Variants in ADAMTS20 observed in about 807,000 individuals in gnomAD.
The protein encoded by ADAMTS20 is A disintegrin and metalloproteinase with thrombospondin motifs 20.
Under a neutral mutation model 260.1 loss-of-function variants are expected in ADAMTS20, and 225 were observed. That is an observed-to-expected ratio of 0.87 (90% CI 0.78 to 0.97). The LOEUF (loss-of-function observed/expected upper bound fraction) is 0.97. Ranked by LOEUF, ADAMTS20 falls within the 50% of genes least tolerant of loss-of-function variation. The pLI, the probability that ADAMTS20 is intolerant of heterozygous loss-of-function variation, is 0.00. For synonymous variants in ADAMTS20, 802 were observed against 769.5 expected (o/e 1.04, Z -0.70); for missense variants, 2,400 against 2,337.7 (o/e 1.03, Z -0.55).
chr12:43,445,745 G>C (rs140747068), intron 15 of ADAMTS20, among the ~76,000 whole-genome samples: 1 of 151,956 alleles, frequency 6.6e-6, no homozygotes, highest in East Asian at 1.9e-4. Context: ...CTAGGTACTG[G>C]GGATGAGGAG....
At position 43,551,023 on chromosome 12, in the gene ADAMTS20, C is replaced by T. The variant is rs757079614; in HGVS notation, c.339G>A (p.Glu113=). ...CTGCGTCGCTCTCCCAGGCCCCGCG[C>T]TCCGGGGTTCCCAAGTGCACCTCGG... ...GYTEVHLGTP[E]RGAWESDAGP... is the part of the protein sequence containing the mutation. The change falls in exon 2 of 39, where the codon GAG becomes GAA. Residue 113 remains glutamate (E), a synonymous_variant. Coordinates refer to ENST00000389420, the MANE Select transcript of ADAMTS20 (RefSeq NM_025003.5). This position sits in a 1 kb window ranked among gnomAD's most constrained non-coding sequence, Gnocchi z 4.6. 2.9e-5 allele frequency: 47 copies of T among 1,613,826 alleles called. 1 individual carries two copies. In the South Asian group the frequency reaches 5.2e-4, roughly 18 times the overall value.
chr12:43,404,440 G>A (rs1008190868), intron 28 of ADAMTS20, among the ~76,000 whole-genome samples: 22 of 152,030 alleles, frequency 1.4e-4, no homozygotes, highest in African/African-American at 2.4e-5. Context: ...ACATAGTAAT[G>A]ATCATCCTCA....
chr12:43,360,771 T>A (rs1939850682), intron 37 of ADAMTS20, among the ~76,000 whole-genome samples: 1 of 152,156 alleles, frequency 6.6e-6, no homozygotes, highest in African/African-American at 2.4e-5. Context: ...AGTAAGGACA[T>A]GATCTAAACA....
Position 43,551,266 on chromosome 12 carries a change from G to A in ADAMTS20, c.96C>T (p.Ala32=). 6.2e-7 allele frequency: 1 copy of A among 1,609,736 alleles called. No homozygotes were observed. The highest frequency in any genetic ancestry group is 8.5e-7 in the Non-Finnish European group (1 of 1,176,798). The part of the protein sequence containing the change: ...WEVDFHPRQE[A]LVRTLTSYEV... Reference sequence around the variant, plus strand: ...CGTAGGAGGTCAGTGTCCTCACCAGGGCTTCTGCAACAACAGCGACAGGAC... The same window carrying A: ...CGTAGGAGGTCAGTGTCCTCACCAGAGCTTCTGCAACAACAGCGACAGGAC... The change falls in exon 2 of 39, where the codon GCC becomes GCT. Residue 32 remains alanine, a synonymous_variant. Transcript: ENST00000389420. This position sits in a 1 kb window ranked among gnomAD's most constrained non-coding sequence, Gnocchi z 4.6.
At chr12:43,442,833 T>C (rs1565551330) in intron 16 of ADAMTS20, among the ~76,000 whole-genome samples, 1 of 152,166 alleles carries the variant, frequency 6.6e-6, no homozygotes, top group African/African-American at 2.4e-5. Context: ...AAATTAACCA[T>C]CATTAAACGA....
rs1294508465 is a variant in ADAMTS20 at position 43,428,531 on chromosome 12, A to G, written c.3655T>C (p.Cys1219Arg). The G allele has an allele frequency of 4.4e-6, 7 of 1,608,712 alleles. No homozygotes were observed. The highest frequency in any genetic ancestry group is 1.1e-5 in the South Asian group (1 of 90,204). Reference sequence around the variant, plus strand: ...TTTCCATGGCCACAGGAAGCTGAACACTGATCAAAAATTTAGCCAATGGTA... The same window carrying G: ...TTTCCATGGCCACAGGAAGCTGAACGCTGATCAAAAATTTAGCCAATGGTA... ...GEWQAGDWSPCSASCGHGKTT... is the reference protein window; with the variant it reads ...GEWQAGDWSPRSASCGHGKTT... Residue 1219 changes from cysteine (C) to arginine (R), a missense_variant and splice_region_variant, in exon 26 of 39, where the codon TGT becomes CGT. Transcript: ENST00000389420.
At chr12:43,446,097 A>G (rs1018162211) in intron 15 of ADAMTS20, among the ~76,000 whole-genome samples, 2 of 151,982 alleles carry the variant, frequency 1.3e-5, no homozygotes, top group African/African-American at 4.8e-5. Flanking sequence ...CAGAAAATAT[A>G]TAAGATAATG....
chr12:43,463,361 G>A (rs1021200851), intron 10 of ADAMTS20, among the ~76,000 whole-genome samples: 3 of 152,040 alleles, frequency 2.0e-5, no homozygotes, highest in Non-Finnish European at 4.4e-5. Context: ...AGCCGCTTTT[G>A]ATACAATAGT....
In ADAMTS20 at chr12:43,468,720, A is replaced by G; in HGVS notation, c.1118-15T>C. ...ATATGATAAACCTGAAAAATTTCAC[A>G]TTTGTATTTCATCAAAATGGAAAAC... On this transcript the variant is annotated splice_polypyrimidine_tract_variant and intron_variant, in intron 7 of 38. Transcript: ENST00000389420. The G allele has an allele frequency of 7.0e-7, 1 of 1,437,618 alleles. No homozygotes were observed. The highest frequency in any genetic ancestry group is 9.6e-7 in the Non-Finnish European group (1 of 1,039,636). The allele number at this position is 1,437,618 out of a possible 1,614,324, so 89.1% of individuals were successfully genotyped here. A position where few individuals can be genotyped will look rare whatever the true frequency, so the allele number is the denominator to read the frequency against.
At chr12:43,497,097 T>C (rs1165469774) in intron 4 of ADAMTS20, among the ~76,000 whole-genome samples, 1 of 152,214 alleles carries the variant, frequency 6.6e-6, no homozygotes, top group African/African-American at 2.4e-5. Context: ...CGAATTTTTA[T>C]TGATCTACTT....
Position 43,551,119 on chromosome 12 carries a change from G to A in ADAMTS20, c.243C>T (p.Arg81=), listed in dbSNP as rs1285975418. 2.5e-6 allele frequency: 4 copies of A among 1,613,968 alleles called. No homozygotes were observed. Among genetic ancestry groups the A allele is most frequent in the Non-Finnish European group, 3.4e-6 (4 of 1,179,872 alleles). The change falls in exon 2 of 39, where the codon CGC becomes CGT. Residue 81 remains arginine (R), a synonymous_variant. Transcript: ENST00000389420. The surrounding 1 kb of genome is among the most constrained non-coding windows in gnomAD (Gnocchi z 4.6). ...LEPMPFRTHY[R]FTAYGQLFQL... ...GGAAGAGCTGCCCGTAGGCAGTGAA[G>A]CGATAGTGGGTTCGGAACGGCATGG...
chr12:43,423,688 A>T, intron 28 of ADAMTS20: 1 of 698,582 alleles, frequency 1.4e-6, no homozygotes, highest in Non-Finnish European at 2.6e-6. Flanking sequence ...TAATAAAAAT[A>T]TCTTTTTATA....
At chr12:43,429,818 C>T (rs1038081366) in intron 23 of ADAMTS20, 94 bp from the exon 24 acceptor site, 10 of 745,670 alleles carry the variant, frequency 1.3e-5, no homozygotes, top group Admixed American at 3.4e-5. Flanking sequence ...TCTCAAGAAC[C>T]GTTCCATACT....
At chr12:43,530,252 A>G (rs1404223586) in intron 3 of ADAMTS20, among the ~76,000 whole-genome samples, 1 of 152,136 alleles carries the variant, frequency 6.6e-6, no homozygotes, top group Non-Finnish European at 1.5e-5. Flanking sequence ...TGAAACATTT[A>G]TGTATTCAGA....
At chr12:43,539,196 C>CT (rs1943340401) in intron 2 of ADAMTS20, among the ~76,000 whole-genome samples, 1 of 152,088 alleles carries the variant, frequency 6.6e-6, no homozygotes, top group Non-Finnish European at 1.5e-5. Context: ...CGTGATCCAC[C>CT]CGCCTTGGCC....
intron 3 of ADAMTS20, among the ~76,000 whole-genome samples, chr12:43,504,265 G>T (rs1299029001): frequency 6.6e-6 from 1 of 152,102 alleles, no homozygotes; most frequent in African/African-American, 2.4e-5. Context: ...TGACTGATGT[G>T]AGATGGTATC....
At chr12:43,518,221 A>G (rs1386138676) in intron 3 of ADAMTS20, among the ~76,000 whole-genome samples, 1 of 152,130 alleles carries the variant, frequency 6.6e-6, no homozygotes, top group Admixed American at 6.6e-5. Flanking sequence ...CCTAAGTTTT[A>G]TAAGTTTTAC....
chr12:43,529,603 T>C (rs1943193057), intron 3 of ADAMTS20, among the ~76,000 whole-genome samples: 1 of 152,100 alleles, frequency 6.6e-6, no homozygotes, highest in Admixed American at 6.5e-5. Context: ...AGCTACGCTA[T>C]GAGTATGCAA....
At chr12:43,491,286 C>T (rs1942596358) in intron 6 of ADAMTS20, among the ~76,000 whole-genome samples, 1 of 152,092 alleles carries the variant, frequency 6.6e-6, no homozygotes, top group African/African-American at 2.4e-5. Context: ...ACCATATTGC[C>T]TTGGTGTGTA....
Sources: allele counts gnomAD v4.1 joint callset (sites outside exome capture counted in the v4.1 genomes callset), GRCh38; gene constraint gnomAD v4.1.1; non-coding constraint Gnocchi (gnomAD v3.1); transcripts MANE v1.5; gene names NCBI Gene and HGNC (gene_info 2026-07-23, HGNC 2026-07-21).